The following MXI1 variants were observed in gnomAD, a reference collection of about 807,000 sequenced individuals.
MXI1 encodes the protein MAX interactor 1, dimerization protein.
In MXI1, 18 loss-of-function variants were observed where a neutral mutation model predicts 36.9. That is an observed-to-expected ratio of 0.49 (90% CI 0.34 to 0.72). MXI1 has a LOEUF of 0.72. Ranked by LOEUF, MXI1 falls within the 30% of genes least tolerant of loss-of-function variation. MXI1 has a pLI of 0.01. For synonymous variants in MXI1, 160 were observed against 146.7 expected, an observed-to-expected ratio of 1.09 and a Z score of -0.65; for missense variants, 304 against 379.1, an observed-to-expected ratio of 0.80 and a Z score of 1.64.
At chr10:110,240,219 A>C (rs1240936359) in intron 2 of MXI1, among the ~76,000 whole-genome samples, 1 of 152,130 alleles carries the variant, frequency 6.6e-6, no homozygotes, top group Non-Finnish European at 1.5e-5. Context: ...GTTCTATACA[A>C]GCATTCTTTT....
rs560254912 is a variant in MXI1 at position 110,207,724 on chromosome 10, C to A, written c.-85C>A. ...CGCCCCGGCGCCTTCTCTGCTCCAG[C>A]CGGCCGGGTCTCCCTGGGGGCCCGG... On this transcript the variant is annotated 5_prime_UTR_variant, in exon 1 of 6. Coordinates refer to ENST00000332674, the MANE Select transcript of MXI1 (RefSeq NM_130439.3). 249 of 960,978 alleles carry A rather than the reference C, an allele frequency of 2.6e-4. 3 individuals are homozygous for A. In the Admixed American group the frequency reaches 0.012, roughly 47 times the overall value. 59.5% of individuals were successfully genotyped at this position (960,978 alleles called of 1,614,324 possible).
At chr10:110,208,751 C>CT (rs1247918862) in intron 1 of MXI1, among the ~76,000 whole-genome samples, 1 of 149,606 alleles carries the variant, frequency 6.7e-6, no homozygotes, top group Non-Finnish European at 1.5e-5. Context: ...CCCCCCCCCC[C>CT]CCAAAGAAGG....
intron 1 of MXI1, chr10:110,226,099 G>C (rs1854957361): frequency 1.7e-6 from 2 of 1,148,990 alleles, no homozygotes; most frequent in South Asian, 3.7e-5. Context: ...GAGCTGGCCC[G>C]CCCGCCCGTC....
intron 3 of MXI1, among the ~76,000 whole-genome samples, chr10:110,254,731 C>T (rs1172942681): frequency 6.6e-6 from 1 of 152,170 alleles, no homozygotes; most frequent in Non-Finnish European, 1.5e-5. Flanking sequence ...CCAGCCAGAA[C>T]ATTCTCTTAA....
chr10:110,239,351 A>G (rs999811048), intron 2 of MXI1, among the ~76,000 whole-genome samples: 1 of 152,182 alleles, frequency 6.6e-6, no homozygotes, highest in African/African-American at 2.4e-5. Context: ...CTTAAGGTGG[A>G]ATCTTGGATC....
At chr10:110,246,889 C>CT (rs1406797759) in intron 3 of MXI1, among the ~76,000 whole-genome samples, 17 of 152,200 alleles carry the variant, frequency 1.1e-4, no homozygotes, top group African/African-American at 3.9e-4. Context: ...ACAAAAAAGA[C>CT]TAAGAAATGA....
intron 1 of MXI1, among the ~76,000 whole-genome samples, chr10:110,209,873 A>G (rs1019883916): frequency 6.6e-6 from 1 of 151,858 alleles, no homozygotes; most frequent in Non-Finnish European, 1.5e-5. Context: ...CTAGGGGTAC[A>G]CCCCATGAGG....
intron 3 of MXI1, among the ~76,000 whole-genome samples, chr10:110,246,309 A>G (rs948218010): frequency 6.6e-6 from 1 of 152,050 alleles, no homozygotes; most frequent in African/African-American, 2.4e-5. Context: ...TGTGACAGAG[A>G]GTGAGACCCT....
chr10:110,212,167 G>A (rs1375545044), intron 1 of MXI1, among the ~76,000 whole-genome samples: 1 of 152,176 alleles, frequency 6.6e-6, no homozygotes, highest in Non-Finnish European at 1.5e-5. Flanking sequence ...AGGGAAGGAC[G>A]ATCAGATGAG....
chr10:110,208,689 G>A (rs1283708159), intron 1 of MXI1: 5 of 148,936 alleles, frequency 3.4e-5, no homozygotes, highest in Non-Finnish European at 5.9e-5. Context: ...AGGCCATCAC[G>A]TCTACGGACA....
chr10:110,267,851 A>G (rs896779227), intron 3 of MXI1, among the ~76,000 whole-genome samples: 3 of 152,212 alleles, frequency 2.0e-5, no homozygotes, highest in African/African-American at 7.2e-5. Context: ...AGAAATATTG[A>G]TATTCTTAGA....
At chr10:110,270,178 T>C (rs1451687206) in intron 3 of MXI1, among the ~76,000 whole-genome samples, 3 of 152,242 alleles carry the variant, frequency 2.0e-5, no homozygotes, top group African/African-American at 4.8e-5. Flanking sequence ...TCTCCAGTGA[T>C]GTAGCCCTAT....
At chr10:110,258,832 C>T (rs931083806) in intron 3 of MXI1, among the ~76,000 whole-genome samples, 1 of 152,122 alleles carries the variant, frequency 6.6e-6, no homozygotes, top group African/African-American at 2.4e-5. Context: ...TCTATACTGA[C>T]CTTTGTTAGA....
chr10:110,278,574 T>C (rs894314153), intron 3 of MXI1, among the ~76,000 whole-genome samples: 23 of 152,184 alleles, frequency 1.5e-4, no homozygotes, highest in African/African-American at 5.3e-4. Flanking sequence ...TTCTGTTGTA[T>C]TGGAGTATAA....
chr10:110,282,781 A>G (rs1482116718), intron 5 of MXI1, among the ~76,000 whole-genome samples: 1 of 152,110 alleles, frequency 6.6e-6, no homozygotes, highest in East Asian at 1.9e-4. Context: ...TCTGTGGTAC[A>G]CTTGGCTAAA....
chr10:110,230,982 G>GT (rs1273591376), intron 2 of MXI1, among the ~76,000 whole-genome samples: 1 of 152,184 alleles, frequency 6.6e-6, no homozygotes, highest in African/African-American at 2.4e-5. Context: ...AATGACATTT[G>GT]TTTCTCTGAC....
At chr10:110,259,904 T>C (rs1349533859) in intron 3 of MXI1, among the ~76,000 whole-genome samples, 1 of 152,086 alleles carries the variant, frequency 6.6e-6, no homozygotes, top group Non-Finnish European at 1.5e-5. Flanking sequence ...TTAAGACGAA[T>C]TTGTTTGGAA....
At chr10:110,236,827 T>C (rs917441461) in intron 2 of MXI1, among the ~76,000 whole-genome samples, 1 of 152,238 alleles carries the variant, frequency 6.6e-6, no homozygotes, top group African/African-American at 2.4e-5. Flanking sequence ...GGAATTTTTA[T>C]TGGGATTGCA....
intron 3 of MXI1, among the ~76,000 whole-genome samples, chr10:110,256,197 A>G (rs1387269039): frequency 6.6e-6 from 1 of 152,226 alleles, no homozygotes; most frequent in Non-Finnish European, 1.5e-5. Context: ...AAACAATAAA[A>G]TTCTTAGAAT....
Sources: allele counts gnomAD v4.1 joint callset (sites outside exome capture counted in the v4.1 genomes callset), GRCh38; gene constraint gnomAD v4.1.1; transcripts MANE v1.5; gene names NCBI Gene and HGNC (gene_info 2026-07-23, HGNC 2026-07-21).